Variants in TP53BP2 observed in about 807,000 individuals in gnomAD.
TP53BP2 encodes the protein apoptosis-stimulating of p53 protein 2.
In TP53BP2, 62 loss-of-function variants were observed where a neutral mutation model predicts 126.2. The ratio of observed to expected loss-of-function variants is 0.49; its 90% CI spans 0.40 to 0.61. The LOEUF (loss-of-function observed/expected upper bound fraction) is 0.61. Ranked by LOEUF, TP53BP2 falls within the 20% of genes least tolerant of loss-of-function variation. TP53BP2 has a pLI of 0.00. For synonymous variants in TP53BP2, 485 were observed against 502.9 expected, an observed-to-expected ratio of 0.96 and a Z score of 0.48; for missense variants, 1,215 against 1,402.8, an observed-to-expected ratio of 0.87 and a Z score of 2.14.
At chr1:223,812,895 G>A (rs1038228105) in intron 3 of TP53BP2, among the ~76,000 whole-genome samples, 3 of 151,258 alleles carry the variant, frequency 2.0e-5, no homozygotes, top group Admixed American at 6.6e-5. Context: ...ACAGAGTTTC[G>A]TCATGTTGGC....
Position 223,845,916 on chromosome 1 carries a change from A to G in TP53BP2, c.-236T>C. On this transcript the variant is annotated 5_prime_UTR_variant, in exon 1 of 18. Coordinates refer to ENST00000343537, the MANE Select transcript of TP53BP2 (RefSeq NM_001031685.3). ...CGGCTTTGTCTCTTCGACGCTCGTG[A>G]CGGTCGGGGCTCCCTCCTCCGCTCC... The G allele has an allele frequency of 3.8e-6, 1 of 265,826 alleles. No individual in the cohort carries two copies. The highest frequency in any genetic ancestry group is 7.0e-6 in the Non-Finnish European group (1 of 142,606). The allele number at this position is 265,826 out of a possible 1,614,324, so 16.5% of individuals were successfully genotyped here.
At chr1:223,781,963 C>CGAGA (rs1274074224) in intron 17 of TP53BP2, among the ~76,000 whole-genome samples, 5 of 152,182 alleles carry the variant, frequency 3.3e-5, no homozygotes, top group Non-Finnish European at 7.3e-5. Flanking sequence ...GCCACACACA[C>CGAGA]GAGAGAAAAC....
chr1:223,786,609 T>TA (rs1553258014), intron 16 of TP53BP2, among the ~76,000 whole-genome samples: 4,575 of 148,976 alleles, frequency 0.031, 242 homozygotes, highest in African/African-American at 0.11. Flanking sequence ...TGTGTGTGTA[T>TA]ATTTTTTTTT....
At chr1:223,780,957 C>T in intron 17 of TP53BP2, 63 bp from the exon 18 acceptor site, 1 of 1,488,270 alleles carries the variant, frequency 6.7e-7, no homozygotes. Context: ...AACAAAATTT[C>T]AAGAAATAAT....
intron 16 of TP53BP2, among the ~76,000 whole-genome samples, chr1:223,787,799 G>A (rs543520180): frequency 5.9e-5 from 9 of 151,892 alleles, no homozygotes; most frequent in African/African-American, 1.9e-4. Flanking sequence ...GATCACCTGA[G>A]CCCTGGCAGT....
chr1:223,799,497 C>A (rs1002818829), intron 11 of TP53BP2, among the ~76,000 whole-genome samples: 5 of 152,154 alleles, frequency 3.3e-5, no homozygotes, highest in African/African-American at 1.2e-4. Context: ...ATCTAGACAA[C>A]TGTAATAAAA....
intron 3 of TP53BP2, 88 bp downstream of exon 3, chr1:223,814,152 T>C: frequency 1.1e-6 from 1 of 928,428 alleles, no homozygotes; most frequent in African/African-American, 1.6e-5. Flanking sequence ...CCTCTCAAAT[T>C]ACCTGGCTTC....
intron 3 of TP53BP2, 51 bp downstream of exon 3, chr1:223,814,189 G>T: frequency 1.4e-6 from 2 of 1,394,724 alleles, no homozygotes; most frequent in Non-Finnish European, 2.0e-6. Flanking sequence ...ACTACTCCCA[G>T]CACAAAATAA....
intron 16 of TP53BP2, among the ~76,000 whole-genome samples, chr1:223,787,572 C>T (rs745684987): frequency 6.6e-6 from 1 of 151,844 alleles, no homozygotes; most frequent in Non-Finnish European, 1.5e-5. Flanking sequence ...GACTGAGGCC[C>T]CAACTCCAAA....
chr1:223,839,727 C>G (rs1027369777), intron 1 of TP53BP2, among the ~76,000 whole-genome samples: 27 of 152,076 alleles, frequency 1.8e-4, no homozygotes, highest in South Asian at 4.2e-4. Flanking sequence ...GTCAGGAGCT[C>G]GAGACCAGCC....
chr1:223,788,887 G>A (rs1382783657), intron 16 of TP53BP2, 121 bp downstream of exon 16: 17 of 987,818 alleles, frequency 1.7e-5, no homozygotes, highest in Non-Finnish European at 3.0e-6. Context: ...GTATTTTCAA[G>A]GCCCAAGACT....
chr1:223,820,620 C>G (rs1346468276), intron 2 of TP53BP2, among the ~76,000 whole-genome samples: 2 of 152,154 alleles, frequency 1.3e-5, no homozygotes, highest in African/African-American at 4.8e-5. Context: ...CTGGGGATAT[C>G]TGGCATCCCC....
At position 223,808,658 on chromosome 1, in the gene TP53BP2, GA is replaced by G. The variant is rs573190424; in HGVS notation, c.373-1712del. 6.4e-3 allele frequency among the ~76,000 whole-genome samples: 899 copies of G among 141,334 alleles called. 10 individuals are homozygous for G. Among genetic ancestry groups the G allele is most frequent in the African/African-American group, 0.02 (766 of 38,074 alleles). The allele number at this position is 141,334 out of a possible 152,430, so 92.7% of individuals were successfully genotyped here. ...ACAAAACTTCCAAAAGAAAACAAAG[GA>G]AAAAAAAATCTCTATGACCCTGGGT... On this transcript the variant is annotated intron_variant, in intron 4 of 17. Transcript: ENST00000343537.
chr1:223,833,898 C>T (rs1026989015), intron 1 of TP53BP2, among the ~76,000 whole-genome samples: 4 of 151,958 alleles, frequency 2.6e-5, no homozygotes, highest in African/African-American at 7.3e-5. Flanking sequence ...GTATATAAAG[C>T]GATATGATAA....
At position 223,820,050 on chromosome 1, in the gene TP53BP2, C is replaced by T. The variant is rs1334935955; in HGVS notation, c.175+1170G>A. 2.0e-5 allele frequency among the ~76,000 whole-genome samples: 3 copies of T among 152,308 alleles called. No individual in the cohort carries two copies. The East Asian group carries it at 5.8e-4, about 29-fold the overall frequency. ...TAACTGAGAACTAACTTCATGGCTA[C>T]TTTTGGCAGGGTGCTCAGGAAAAGC... is the stretch of plus-strand genomic sequence containing the variant. On this transcript the variant is annotated intron_variant, in intron 2 of 17. Transcript: ENST00000343537.
chr1:223,792,463 A>G lies in TP53BP2; in HGVS notation c.2922T>C (p.Cys974=). The G allele has an allele frequency of 6.2e-7, 1 of 1,613,948 alleles. No homozygotes were observed. The highest frequency in any genetic ancestry group is 8.5e-7 in the Non-Finnish European group (1 of 1,179,868). ...EGITALHNAV[C]AGHTEIVKFL... is the part of the protein sequence containing the mutation. ...ACTTAACGATTTCTGTGTGGCCTGC[A>G]CACACAGCATTGTGAAGAGCCGTGA... The change falls in exon 15 of 18, where the codon TGT becomes TGC. Residue 974 remains cysteine (C), a synonymous_variant. Coordinates refer to ENST00000343537, the MANE Select transcript of TP53BP2 (RefSeq NM_001031685.3).
chr1:223,789,222 A>T (rs765583363), intron 15 of TP53BP2, 48 bp from the exon 16 acceptor site: 1 of 1,593,052 alleles, frequency 6.3e-7, no homozygotes, highest in South Asian at 1.1e-5. Context: ...AAACTGAATG[A>T]CACCTGCTGA....
chr1:223,824,440 C>G (rs146790629), intron 1 of TP53BP2, among the ~76,000 whole-genome samples: 1 of 152,086 alleles, frequency 6.6e-6, no homozygotes, highest in Non-Finnish European at 1.5e-5. Flanking sequence ...TACTGCAGTC[C>G]GCGATGCTGG....
chr1:223,806,981 G>T lies in TP53BP2; in HGVS notation c.373-34C>A, dbSNP rs369098226. The stretch of plus-strand genomic sequence containing the variant: ...AAAAACACAAATAAACACAATCCCA[G>T]CTTACTATAAAACTACCACAGAGAT... On this transcript the variant is annotated intron_variant, in intron 4 of 17. Coordinates refer to ENST00000343537, the MANE Select transcript of TP53BP2 (RefSeq NM_001031685.3). 102 of 1,527,000 alleles carry T rather than the reference G, an allele frequency of 6.7e-5. No individual in the cohort carries two copies. The African/African-American group carries it at 1.3e-3, about 19-fold the overall frequency. The allele number at this position is 1,527,000 out of a possible 1,614,324, so 94.6% of individuals were successfully genotyped here. A position where few individuals can be genotyped will look rare whatever the true frequency, so the allele number is the denominator to read the frequency against.
Sources: gnomAD v4.1 joint callset for allele counts (sites outside exome capture counted in the v4.1 genomes callset) on GRCh38, gnomAD v4.1.1 for gene constraint, MANE v1.5 for transcripts, NCBI Gene and HGNC (gene_info 2026-07-23, HGNC 2026-07-21) for gene names.